MEGF10: variants seen among roughly 807,000 people sequenced by gnomAD.
MEGF10 encodes the protein multiple epidermal growth factor-like domains protein 10.
A neutral mutation model predicts 147.5 loss-of-function variants in MEGF10; 86 were observed. The observed-to-expected ratio is 0.58, with a 90% CI of 0.49 to 0.70. The LOEUF is 0.70. Ranked by LOEUF, MEGF10 falls within the 30% of genes least tolerant of loss-of-function variation. The pLI, the probability that MEGF10 is intolerant of heterozygous loss-of-function variation, is 0.00. For synonymous variants in MEGF10, 478 were observed against 525.5 expected (o/e 0.91, Z 1.24); for missense variants, 1,329 against 1,487.3 (o/e 0.89, Z 1.75).
At chr5:127,397,042 C>T (rs934895874) in intron 6 of MEGF10, among the ~76,000 whole-genome samples, 33 of 152,094 alleles carry the variant, frequency 2.2e-4, no homozygotes, top group Admixed American at 2.2e-3. Context: ...GAGAGAGGGT[C>T]AGTCAGGATG....
intron 12 of MEGF10, among the ~76,000 whole-genome samples, chr5:127,420,460 C>T (rs1764954319): frequency 6.6e-6 from 1 of 151,956 alleles, no homozygotes; most frequent in Non-Finnish European, 1.5e-5. Context: ...TTCCTCAACC[C>T]CCACCCTTTA....
At chr5:127,274,394 T>TA in the MEGF10 span, among the ~76,000 whole-genome samples, 7 of 152,176 alleles carry the variant, frequency 4.6e-5, no homozygotes, top group African/African-American at 1.7e-4. Flanking sequence ...CTAGGTGTGA[T>TA]AAAGGTATCA....
intron 3 of MEGF10, among the ~76,000 whole-genome samples, chr5:127,340,324 G>C (rs1397264958): frequency 1.3e-5 from 2 of 152,130 alleles, no homozygotes; most frequent in Non-Finnish European, 2.9e-5. Context: ...TAAGATAAGT[G>C]AAAGAGGGAA....
At chr5:127,275,339 CA>C in the MEGF10 span, among the ~76,000 whole-genome samples, 2 of 152,088 alleles carry the variant, frequency 1.3e-5, no homozygotes. Flanking sequence ...GAGAGTGAGT[CA>C]GGGGCCTGCC....
chr5:127,229,537 AG>A, the MEGF10 span: 2 of 152,174 alleles, frequency 1.3e-5, no homozygotes, highest in African/African-American at 4.8e-5. Context: ...CATGTGCAAA[AG>A]GGTGAGGCTG....
chr5:127,275,644 G>C, the MEGF10 span, among the ~76,000 whole-genome samples: 3 of 152,138 alleles, frequency 2.0e-5, no homozygotes, highest in Non-Finnish European at 2.9e-5. Flanking sequence ...AACTCTGCTG[G>C]CTAGGATGTC....
intron 2 of MEGF10, 93 bp from the exon 3 acceptor site, chr5:127,339,027 G>A: frequency 1.6e-6 from 1 of 638,666 alleles, no homozygotes; most frequent in Non-Finnish European, 2.4e-6. Context: ...GTTGCAAATG[G>A]AGATAATTTA....
chr5:127,282,473 G>T, the MEGF10 span, among the ~76,000 whole-genome samples: 2 of 152,140 alleles, frequency 1.3e-5, no homozygotes, highest in South Asian at 4.1e-4. Flanking sequence ...TATGCCCATG[G>T]TTCCCCAAAA....
intron 4 of MEGF10, among the ~76,000 whole-genome samples, chr5:127,351,591 T>C (rs541405887): frequency 4.6e-4 from 70 of 152,330 alleles, no homozygotes; most frequent in Middle Eastern, 3.4e-3. Flanking sequence ...GTATGCATAC[T>C]GTATCATTTA....
At chr5:127,249,372 A>G in the MEGF10 span, among the ~76,000 whole-genome samples, 1 of 150,620 alleles carries the variant, frequency 6.6e-6, no homozygotes, top group Non-Finnish European at 1.5e-5. Flanking sequence ...AAGGAGGAGG[A>G]GGAGGAGGAG....
At chr5:127,384,945 C>T (rs999026063) in intron 5 of MEGF10, among the ~76,000 whole-genome samples, 8 of 152,254 alleles carry the variant, frequency 5.3e-5, no homozygotes, top group South Asian at 4.1e-4. Context: ...TAGCCTGAAG[C>T]GCAAGGAATG....
intron 5 of MEGF10, among the ~76,000 whole-genome samples, chr5:127,382,011 A>G (rs964319175): frequency 2.0e-5 from 3 of 152,188 alleles, no homozygotes; most frequent in Non-Finnish European, 4.4e-5. Flanking sequence ...TGTCATGGCT[A>G]TATCTGATAT....
intron 8 of MEGF10, among the ~76,000 whole-genome samples, chr5:127,407,902 ATAAC>A (rs1213049957): frequency 3.3e-5 from 5 of 152,260 alleles, no homozygotes; most frequent in Non-Finnish European, 4.4e-5. Context: ...AGAAGTAGAC[ATAAC>A]TATTATTAAC....
At chr5:127,409,980 T>C (rs1764492076) in intron 8 of MEGF10, 1 of 172,114 alleles carries the variant, frequency 5.8e-6, no homozygotes, top group Non-Finnish European at 1.3e-5. Flanking sequence ...CACAGAGTTT[T>C]CTCTTTGGAA....
intron 2 of MEGF10, among the ~76,000 whole-genome samples, chr5:127,338,334 T>C (rs1181395383): frequency 1.3e-5 from 2 of 152,158 alleles, no homozygotes; most frequent in African/African-American, 2.4e-5. Flanking sequence ...TAGCATGTAA[T>C]AGACTGTTTA....
At chr5:127,321,841 C>A (rs568720617) in intron 1 of MEGF10, among the ~76,000 whole-genome samples, 25 of 152,196 alleles carry the variant, frequency 1.6e-4, no homozygotes, top group South Asian at 1.5e-3. Context: ...CTGTCCTCCC[C>A]CTACCATGGG....
intron 19 of MEGF10, among the ~76,000 whole-genome samples, 154 bp downstream of exon 19, chr5:127,443,280 C>T (rs1765824560): frequency 6.6e-6 from 1 of 152,186 alleles, no homozygotes. Context: ...CAGATGAATG[C>T]CTTATTGTTG....
At chr5:127,239,223 CG>C in the MEGF10 span, among the ~76,000 whole-genome samples, 7 of 151,444 alleles carry the variant, frequency 4.6e-5, no homozygotes, top group African/African-American at 1.7e-4. Context: ...GATCCTGGAT[CG>C]GGGGGAAAAA....
At chr5:127,377,495 G>C (rs917054929) in intron 5 of MEGF10, among the ~76,000 whole-genome samples, 1 of 152,104 alleles carries the variant, frequency 6.6e-6, no homozygotes, top group Admixed American at 6.5e-5. Context: ...ATAGCATTCC[G>C]GTTAAATATA....
Sources: gnomAD v4.1 joint callset for allele counts (sites outside exome capture counted in the v4.1 genomes callset) on GRCh38, gnomAD v4.1.1 for gene constraint, MANE v1.5 for transcripts, NCBI Gene and HGNC (gene_info 2026-07-23, HGNC 2026-07-21) for gene names.